Variants in ARHGEF4 observed in about 807,000 individuals in gnomAD.
ARHGEF4 encodes Rho guanine nucleotide exchange factor 4, also known as APC-stimulated guanine nucleotide exchange factor 1.
Under a neutral mutation model 162.0 loss-of-function variants are expected in ARHGEF4, and 119 were observed. The observed-to-expected ratio is 0.73, with a 90% CI of 0.63 to 0.86. The LOEUF (loss-of-function observed/expected upper bound fraction) is 0.86. ARHGEF4 is among the 40% of genes least tolerant of loss of function. The pLI, the probability that ARHGEF4 is intolerant of heterozygous loss-of-function variation, is 0.00. For missense variants in ARHGEF4, 2,488 were observed against 2,456.0 expected (o/e 1.01, Z -0.28); for synonymous variants, 1,014 against 979.9 (o/e 1.03, Z -0.65).
At chr2:130,974,023 A>T (rs1252807488) in intron 4 of ARHGEF4, among the ~76,000 whole-genome samples, 1 of 152,074 alleles carries the variant, frequency 6.6e-6, no homozygotes, top group African/African-American at 2.4e-5. Flanking sequence ...TAATCCCAGC[A>T]CTTTGGGAGG....
chr2:131,042,789 G>C (rs79317038), intron 10 of ARHGEF4, among the ~76,000 whole-genome samples: 1 of 152,204 alleles, frequency 6.6e-6, no homozygotes, highest in Non-Finnish European at 1.5e-5. Context: ...CCCAGCTGGG[G>C]TTTGCATTTT....
At chr2:131,028,669 C>A (rs2105370162) in intron 5 of ARHGEF4, among the ~76,000 whole-genome samples, 1 of 152,332 alleles carries the variant, frequency 6.6e-6, no homozygotes, top group South Asian at 2.1e-4. Context: ...AGAGAGGAAT[C>A]GTGATGCTTT....
Position 131,039,340 on chromosome 2 carries a change from C to G in ARHGEF4, c.4305+308C>G, listed in dbSNP as rs546608138. On this transcript the variant is annotated intron_variant, in intron 6 of 13. Transcript: ENST00000409359. ...TAGACATTTCCCAAGCCCTGAAGAG[C>G]ACTGATAGGGGACTGCTCACCTCAC... 6.0e-6 allele frequency: 7 copies of G among 1,175,242 alleles called. No homozygotes were observed. The African/African-American group carries it at 1.1e-4, about 19-fold the overall frequency. 72.8% of individuals were successfully genotyped at this position (1,175,242 alleles called of 1,614,324 possible). A position where few individuals can be genotyped will look rare whatever the true frequency, so the allele number is the denominator to read the frequency against.
intron 4 of ARHGEF4, among the ~76,000 whole-genome samples, chr2:131,015,395 G>A (rs139929372): frequency 2.0e-5 from 3 of 152,280 alleles, no homozygotes; most frequent in Non-Finnish European, 4.4e-5. Context: ...AGAACCTGAG[G>A]AAATCTGAAC....
chr2:130,938,100 C>T (rs548589830), intron 3 of ARHGEF4, among the ~76,000 whole-genome samples: 7 of 152,238 alleles, frequency 4.6e-5, no homozygotes, highest in East Asian at 3.9e-4. Flanking sequence ...TTCACCTATT[C>T]GAAGACATCT....
intron 10 of ARHGEF4, among the ~76,000 whole-genome samples, chr2:131,043,189 C>T (rs942815707): frequency 6.6e-6 from 1 of 152,230 alleles, no homozygotes; most frequent in Non-Finnish European, 1.5e-5. Context: ...ACTGACATCA[C>T]ATCTAATTAA....
intron 1 of ARHGEF4, among the ~76,000 whole-genome samples, chr2:130,901,361 C>T (rs1026910389): frequency 1.6e-4 from 25 of 152,086 alleles, no homozygotes; most frequent in Admixed American, 1.3e-4. Flanking sequence ...CTGTTGTTGT[C>T]GCTGACCAGG....
At chr2:130,866,293 A>G (rs1489050100) in intron 1 of ARHGEF4, among the ~76,000 whole-genome samples, 1 of 152,144 alleles carries the variant, frequency 6.6e-6, no homozygotes, top group Non-Finnish European at 1.5e-5. Flanking sequence ...CTGAGGCAGG[A>G]GAATTGCTTG....
intron 4 of ARHGEF4, among the ~76,000 whole-genome samples, chr2:130,967,964 A>G (rs189767882): frequency 8.3e-4 from 126 of 152,298 alleles, no homozygotes; most frequent in African/African-American, 2.8e-3. Flanking sequence ...AATATTGCCA[A>G]CCAGATAAGT....
chr2:130,916,387 T>C lies in ARHGEF4; in HGVS notation c.2441T>C (p.Val814Ala). The change falls in exon 2 of 14, where the codon GTC becomes GCC. Residue 814 changes from valine (V) to alanine (A), a missense_variant. Val to Ala is a moderately conservative substitution (Grantham distance 64). Around this residue, in one of 6 missense-constraint regions of ARHGEF4, gnomAD observed 1,642 missense variants for 1,481.5 expected, o/e 1.11. Coordinates refer to ENST00000409359, the MANE Select transcript of ARHGEF4 (RefSeq NM_001367493.1). Reference sequence around the variant, plus strand: ...TTGGCCACTGAGAGCCCAGGAGGGGTCCCGGCCCCGACCACCGAGGGTCGC... The same window carrying C: ...TTGGCCACTGAGAGCCCAGGAGGGGCCCCGGCCCCGACCACCGAGGGTCGC... ...RPLATESPGG[V>A]PAPTTEGRRW... 1.3e-6 allele frequency: 2 copies of C among 1,530,814 alleles called. No homozygotes were observed. Among genetic ancestry groups the C allele is most frequent in the Non-Finnish European group, 1.8e-6 (2 of 1,141,908 alleles). The allele number at this position is 1,530,814 out of a possible 1,614,324, so 94.8% of individuals were successfully genotyped here. A position where few individuals can be genotyped will look rare whatever the true frequency, so the allele number is the denominator to read the frequency against.
At chr2:131,023,265 C>T (rs561156797) in intron 4 of ARHGEF4, among the ~76,000 whole-genome samples, 14 of 151,758 alleles carry the variant, frequency 9.2e-5, no homozygotes, top group East Asian at 5.8e-4. Flanking sequence ...ACCATCTCTA[C>T]GAAAGTTTTT....
intron 5 of ARHGEF4, chr2:131,035,620 G>C (rs1690217580): frequency 1.1e-5 from 11 of 984,332 alleles, no homozygotes; most frequent in Non-Finnish European, 1.3e-5. Context: ...ACCCGCGCTT[G>C]CATCTGTGTA....
rs144498961 is a variant in ARHGEF4 at position 131,044,683 on chromosome 2, CCA to C, written c.5401+142_5401+143del. On this transcript the variant is annotated intron_variant, in intron 12 of 13. Coordinates refer to ENST00000409359, the MANE Select transcript of ARHGEF4 (RefSeq NM_001367493.1). The stretch of plus-strand genomic sequence containing the variant: ...GCAAGGCTCCAGGCACCTCTAGGTC[CCA>C]GTCATGAGCATAAGGCTTTGCCTTC... 7,018 of 1,178,578 alleles carry C rather than the reference CCA, an allele frequency of 6.0e-3. 315 individuals carry two copies. In the African/African-American group the frequency reaches 0.095, roughly 16 times the overall value. 73.0% of individuals were successfully genotyped at this position (1,178,578 alleles called of 1,614,324 possible).
At chr2:130,936,025 A>C (rs1682923422) in intron 3 of ARHGEF4, among the ~76,000 whole-genome samples, 1 of 152,184 alleles carries the variant, frequency 6.6e-6, no homozygotes, top group Non-Finnish European at 1.5e-5. Flanking sequence ...AGATCATGCC[A>C]TTGCATTCCA....
At chr2:130,887,999 G>A (rs928821037) in intron 1 of ARHGEF4, among the ~76,000 whole-genome samples, 1 of 152,076 alleles carries the variant, frequency 6.6e-6, no homozygotes, top group South Asian at 2.1e-4. Flanking sequence ...GCAGGTGTGT[G>A]CAGCTTCCCA....
chr2:130,875,343 A>C (rs1330169168), intron 1 of ARHGEF4, among the ~76,000 whole-genome samples: 1 of 152,190 alleles, frequency 6.6e-6, no homozygotes, highest in South Asian at 2.1e-4. Context: ...TGTCTGAGTC[A>C]GTTTTCTGTT....
chr2:130,854,586 C>A (rs543038974), intron 1 of ARHGEF4, among the ~76,000 whole-genome samples: 1 of 152,326 alleles, frequency 6.6e-6, no homozygotes, highest in Admixed American at 6.5e-5. Flanking sequence ...CCACACCCAA[C>A]CCACGCTATA....
chr2:131,046,120 G>A lies in ARHGEF4; in HGVS notation c.5562G>A (p.Leu1854=), dbSNP rs1691240782. The change falls in exon 14 of 14, where the codon CTG becomes CTA. Residue 1854 remains leucine (L), a synonymous_variant. Coordinates refer to ENST00000409359, the MANE Select transcript of ARHGEF4 (RefSeq NM_001367493.1). ...SNRPQQQVLV[L]AEPRRKPSTF... The stretch of plus-strand genomic sequence containing the variant: ...GGCCCCAGCAGCAGGTCCTGGTGCT[G>A]GCGGAGCCCAGGCGCAAGCCATCTA... The A allele has an allele frequency of 6.2e-7, 1 of 1,612,992 alleles. No homozygotes were observed. Among genetic ancestry groups the A allele is most frequent in the Non-Finnish European group, 8.5e-7 (1 of 1,179,910 alleles).
rs528445455 is a variant in ARHGEF4, at chr2:130,849,725, G to A, written c.39+12733G>A. Among the ~76,000 whole-genome samples the A allele has an allele frequency of 5.9e-5, 9 of 151,996 alleles. 1 individual carries two copies. The highest frequency in any genetic ancestry group is 4.2e-4 in the South Asian group (2 of 4,804). On this transcript the variant is annotated intron_variant, in intron 1 of 13. Coordinates refer to ENST00000409359, the MANE Select transcript of ARHGEF4 (RefSeq NM_001367493.1). ...TGGAATTACAGGTGCACACCACCAC[G>A]TCCAGCTAATTTTTGTATTTTTAGT...
Sources: gnomAD v4.1 joint callset for allele counts (sites outside exome capture counted in the v4.1 genomes callset) on GRCh38, gnomAD v4.1.1 for gene constraint, gnomAD v4.1.1 regional missense constraint, MANE v1.5 for transcripts, NCBI Gene and HGNC (gene_info 2026-07-23, HGNC 2026-07-21) for gene names.